CXADR: variants seen among roughly 807,000 people sequenced by gnomAD.
CXADR encodes coxsackievirus and adenovirus receptor.
CXADR carries 20 observed loss-of-function variants against 40.3 expected under a neutral mutation model. That is an observed-to-expected ratio of 0.50 (90% CI 0.35 to 0.72). The LOEUF (loss-of-function observed/expected upper bound fraction) is 0.72. Ranked by LOEUF, CXADR falls within the 30% of genes least tolerant of loss-of-function variation. CXADR has a pLI of 0.01. For synonymous variants in CXADR, 150 were observed against 161.3 expected (o/e 0.93, Z 0.53); for missense variants, 332 against 449.1 (o/e 0.74, Z 2.36).
intron 1 of CXADR, among the ~76,000 whole-genome samples, chr21:17,523,463 G>A (rs2060556325): frequency 6.6e-6 from 1 of 152,118 alleles, no homozygotes; most frequent in Admixed American, 6.5e-5. Context: ...CAGGAGTGGA[G>A]TTTATATCAC....
At chr21:17,554,300 C>T (rs973939193) in intron 3 of CXADR, among the ~76,000 whole-genome samples, 1 of 152,086 alleles carries the variant, frequency 6.6e-6, no homozygotes, top group South Asian at 2.1e-4. Flanking sequence ...TAGGGGATGG[C>T]ACATGATGTG....
intron 1 of CXADR, among the ~76,000 whole-genome samples, chr21:17,526,298 A>G (rs71319642): frequency 0.012 from 1,811 of 149,222 alleles, 14 homozygotes; most frequent in South Asian, 0.021. Context: ...TAAAATCGTT[A>G]TTTTTTTTTT....
At chr21:17,531,152 G>A (rs1156687172) in intron 1 of CXADR, among the ~76,000 whole-genome samples, 1 of 151,840 alleles carries the variant, frequency 6.6e-6, no homozygotes, top group East Asian at 2.0e-4. Context: ...ACAAAGCTTA[G>A]TTGGTCGTGG....
At chr21:17,579,593 TTTCTTTATGATG>T (rs1418680988) in intron 7 of CXADR, among the ~76,000 whole-genome samples, 52 of 152,348 alleles carry the variant, frequency 3.4e-4, no homozygotes, top group African/African-American at 1.1e-3. Context: ...CGGTCTCACT[TTTCTTTATGATG>T]TATAGGTGAG....
At position 17,559,055 on chromosome 21, in the gene CXADR, A is replaced by C. The variant is rs1014268195; in HGVS notation, c.495A>C (p.Lys165Asn). The change falls in exon 4 of 7, where the codon AAA becomes AAC. Residue 165 changes from lysine to asparagine, a missense_variant. Around this residue, in one of 3 missense-constraint regions of CXADR, gnomAD observed 162 missense variants for 198.5 expected, o/e 0.82. Transcript: ENST00000284878. ...ACTTTAAGATAAAATGTGAACCAAA[A>C]GAAGGTTCACTTCCATTACAGTATG... ...GSDFKIKCEP[K>N]EGSLPLQYEW... 11 of 1,613,926 alleles carry C rather than the reference A, an allele frequency of 6.8e-6. No homozygotes were observed. The African/African-American group carries it at 1.3e-4, about 20-fold the overall frequency.
chr21:17,532,811 T>C (rs2060694963), intron 1 of CXADR, among the ~76,000 whole-genome samples: 1 of 152,206 alleles, frequency 6.6e-6, no homozygotes, highest in Admixed American at 6.5e-5. Context: ...GTTATTTAAT[T>C]TCTCCAATGA....
In CXADR at chr21:17,578,481, G is replaced by C. The variant is rs889710648; in HGVS notation, c.1017+12870G>C. 2.8e-4 allele frequency among the ~76,000 whole-genome samples: 43 copies of C among 152,358 alleles called. 1 individual carries two copies. The highest frequency in any genetic ancestry group is 2.4e-3 in the Admixed American group (37 of 15,308). ...CTACTGTGAAAATGAAATCATACAT[G>C]ATGATGGACCAGTTCTGGTAGGATG... On this transcript the variant is annotated intron_variant, in intron 7 of 7. Transcript: ENST00000400169.
In CXADR at chr21:17,548,494, TTC is replaced by T. The variant is rs916271390; in HGVS notation, c.210+1311_210+1312del. Among the ~76,000 whole-genome samples the T allele has an allele frequency of 1.3e-3, 193 of 152,266 alleles. 1 individual carries two copies. The highest frequency in any genetic ancestry group is 4.5e-3 in the African/African-American group (188 of 41,566). ...CACTCTTACCTCCCCCTTCTCTCCC[TTC>T]TCTCTCTCTGGAGGTGCTGGCACCT... On this transcript the variant is annotated intron_variant, in intron 2 of 6. Coordinates refer to ENST00000284878, the MANE Select transcript of CXADR (RefSeq NM_001338.5).
chr21:17,514,192 C>A lies in CXADR; in HGVS notation c.43+1020C>A, dbSNP rs138603822. Among the ~76,000 whole-genome samples, 246 of 151,912 alleles carry A rather than the reference C, an allele frequency of 1.6e-3. 3 individuals are homozygous for A. In the South Asian group the frequency reaches 0.032, roughly 20 times the overall value. ...ATCCTAGGAGGCGCACTTAGTATAG[C>A]CTCTGGAAGGGTAATTTTTTGTTGT... On this transcript the variant is annotated intron_variant, in intron 1 of 6. Transcript: ENST00000284878.
the CXADR span, among the ~76,000 whole-genome samples, chr21:17,629,849 AAAAC>A: frequency 6.9e-6 from 1 of 143,900 alleles, no homozygotes; most frequent in Non-Finnish European, 1.5e-5. Flanking sequence ...ATAAATAAAT[AAAAC>A]AAAGTGGAGA....
At chr21:17,631,785 G>T in the CXADR span, among the ~76,000 whole-genome samples, 1 of 152,022 alleles carries the variant, frequency 6.6e-6, no homozygotes, top group Admixed American at 6.6e-5. Flanking sequence ...TATTTGTTTT[G>T]CTCAGCTACC....
chr21:17,559,669 G>GTTTTTT (rs1447996912), intron 4 of CXADR, among the ~76,000 whole-genome samples: 1 of 27,890 alleles, frequency 3.6e-5, no homozygotes, highest in African/African-American at 1.3e-4. Flanking sequence ...TTTTTTTTGG[G>GTTTTTT]TTTTTTTTTT....
chr21:17,540,536 G>A (rs187436197), intron 1 of CXADR, among the ~76,000 whole-genome samples: 2 of 152,244 alleles, frequency 1.3e-5, no homozygotes, highest in South Asian at 2.1e-4. Context: ...TTTTGCTGGA[G>A]GGGACTGGTT....
At chr21:17,525,596 C>T (rs1167320411) in intron 1 of CXADR, among the ~76,000 whole-genome samples, 1 of 152,198 alleles carries the variant, frequency 6.6e-6, no homozygotes, top group Non-Finnish European at 1.5e-5. Context: ...CAGATACAAA[C>T]TTTTGACTTT....
chr21:17,548,599 A>G (rs1237077728), intron 2 of CXADR, among the ~76,000 whole-genome samples: 1 of 152,202 alleles, frequency 6.6e-6, no homozygotes, highest in African/African-American at 2.4e-5. Flanking sequence ...TTTAGAGCCC[A>G]GGACTCTGAT....
the CXADR span, among the ~76,000 whole-genome samples, chr21:17,623,320 T>G: frequency 2.0e-5 from 3 of 152,088 alleles, no homozygotes; most frequent in Admixed American, 1.3e-4. Context: ...TAATTCGATT[T>G]TATTATCTTA....
At chr21:17,612,827 C>T in the CXADR span, 1 of 152,182 alleles carries the variant, frequency 6.6e-6, no homozygotes, top group Non-Finnish European at 1.5e-5. Flanking sequence ...TCGTCCGGCG[C>T]GTGCGGCTCC....
chr21:17,598,851 A>C, the CXADR span: 1 of 1,587,164 alleles, frequency 6.3e-7, no homozygotes, highest in Non-Finnish European at 8.6e-7. Flanking sequence ...AAACTTACAA[A>C]TCTTGAAGTC....
chr21:17,601,162 CAA>C, the CXADR span, among the ~76,000 whole-genome samples: 11 of 115,648 alleles, frequency 9.5e-5, no homozygotes, highest in Admixed American at 2.7e-4. Context: ...GACTCCGTCT[CAA>C]AAAAAAAAAA....
Sources: gnomAD v4.1 joint callset for allele counts (sites outside exome capture counted in the v4.1 genomes callset) on GRCh38, gnomAD v4.1.1 for gene constraint, gnomAD v4.1.1 regional missense constraint, MANE v1.5 for transcripts, NCBI Gene and HGNC (gene_info 2026-07-23, HGNC 2026-07-21) for gene names.